FHIT: variants seen among roughly 807,000 people sequenced by gnomAD.
FHIT encodes bis(5'-adenosyl)-triphosphatase.
Under a neutral mutation model 17.9 loss-of-function variants are expected in FHIT, and 19 were observed. That is an observed-to-expected ratio of 1.06 (90% CI 0.74 to 1.56). FHIT has a LOEUF of 1.56. Among genes scored for constraint, FHIT ranks in the 40% most tolerant of loss-of-function variants. FHIT has a pLI of 0.00. For missense variants in FHIT, 248 were observed against 189.2 expected, an observed-to-expected ratio of 1.31 and a Z score of -1.82; for synonymous variants, 81 against 69.7, an observed-to-expected ratio of 1.16 and a Z score of -0.81.
chr3:59,995,271 T>C (rs1423356090), intron 7 of FHIT, among the ~76,000 whole-genome samples: 2 of 152,202 alleles, frequency 1.3e-5, no homozygotes, highest in Non-Finnish European at 2.9e-5. Flanking sequence ...TCTAACTCTA[T>C]CTCCAACTTA....
intron 4 of FHIT, among the ~76,000 whole-genome samples, chr3:60,635,806 A>C (rs2039569279): frequency 6.6e-6 from 1 of 152,174 alleles, no homozygotes; most frequent in Admixed American, 6.6e-5. Flanking sequence ...CAGGGTTGGC[A>C]AACTTTTCCC....
rs574004374 is a variant in FHIT, at chr3:60,032,940, T to C, written c.104-18788A>G. ...AACTTACTTTACACCAAACACAAGA[T>C]AGAGAAACAAGTTAAGTAACACTAA... On this transcript the variant is annotated intron_variant, in intron 5 of 9. Coordinates refer to ENST00000492590, the MANE Select transcript of FHIT (RefSeq NM_002012.4). Among the ~76,000 whole-genome samples the C allele has an allele frequency of 1.6e-4, 25 of 151,756 alleles. 1 individual carries two copies. The South Asian group carries it at 4.8e-3, about 29-fold the overall frequency.
At chr3:60,091,312 A>C (rs1222797398) in intron 5 of FHIT, among the ~76,000 whole-genome samples, 1 of 152,220 alleles carries the variant, frequency 6.6e-6, no homozygotes, top group Non-Finnish European at 1.5e-5. Flanking sequence ...ATTTATAAAG[A>C]GGAAGGGTCT....
intron 5 of FHIT, among the ~76,000 whole-genome samples, chr3:60,272,451 G>A (rs1433032442): frequency 6.6e-6 from 1 of 152,152 alleles, no homozygotes; most frequent in African/African-American, 2.4e-5. Context: ...AAGTCAGTGT[G>A]TGTCTGGGGC....
At chr3:59,911,372 C>A (rs1229265456) in intron 8 of FHIT, among the ~76,000 whole-genome samples, 1 of 152,260 alleles carries the variant, frequency 6.6e-6, no homozygotes, top group South Asian at 2.1e-4. Context: ...GCCTGGTATT[C>A]TCTGGGTTGG....
chr3:60,791,647 A>C (rs530763668), intron 4 of FHIT, among the ~76,000 whole-genome samples: 1 of 152,208 alleles, frequency 6.6e-6, no homozygotes, highest in Non-Finnish European at 1.5e-5. Flanking sequence ...AACAAAATGC[A>C]GAAACAATAT....
intron 8 of FHIT, among the ~76,000 whole-genome samples, chr3:59,772,569 T>C (rs1340620981): frequency 6.6e-6 from 1 of 152,202 alleles, no homozygotes; most frequent in Non-Finnish European, 1.5e-5. Context: ...GGCACAGGGC[T>C]GGGATGCAAA....
At chr3:60,549,412 C>G (rs542879750) in intron 4 of FHIT, among the ~76,000 whole-genome samples, 3 of 152,118 alleles carry the variant, frequency 2.0e-5, no homozygotes, top group African/African-American at 7.2e-5. Context: ...GAGGAAGGTC[C>G]TTCATACACC....
intron 5 of FHIT, among the ~76,000 whole-genome samples, chr3:60,491,342 T>C (rs1190278257): frequency 1.3e-5 from 2 of 151,590 alleles, no homozygotes; most frequent in African/African-American, 4.9e-5. Flanking sequence ...AGGGTTATAA[T>C]AGAAATGCTG....
intron 5 of FHIT, among the ~76,000 whole-genome samples, chr3:60,221,771 C>A (rs213410): frequency 0.31 from 47,240 of 151,970 alleles, 9,027 homozygotes; most frequent in East Asian, 0.69. Flanking sequence ...GGCTCCTTCT[C>A]CTTCTTCAGA....
intron 4 of FHIT, among the ~76,000 whole-genome samples, chr3:60,589,890 T>A (rs2038027943): frequency 1.3e-5 from 2 of 152,068 alleles, no homozygotes; most frequent in Admixed American, 6.6e-5. Context: ...ATTGGCATTC[T>A]AATTTATCAT....
chr3:61,065,171 A>G lies in FHIT; in HGVS notation c.-163-23072T>C, dbSNP rs531798115. Reference sequence around the variant, plus strand: ...GTCAGGTAAACAGAGTTTTGTAAACAGCTTCCAATATTCAAGGAAAGTTTG... The same window carrying G: ...GTCAGGTAAACAGAGTTTTGTAAACGGCTTCCAATATTCAAGGAAAGTTTG... On this transcript the variant is annotated intron_variant, in intron 2 of 9. Coordinates refer to ENST00000492590, the MANE Select transcript of FHIT (RefSeq NM_002012.4). 1.3e-4 allele frequency among the ~76,000 whole-genome samples: 20 copies of G among 152,252 alleles called. No individual in the cohort carries two copies. In the East Asian group the frequency reaches 1.4e-3, roughly 10 times the overall value.
intron 2 of FHIT, among the ~76,000 whole-genome samples, chr3:61,154,869 C>T (rs1259770472): frequency 6.6e-6 from 1 of 152,192 alleles, no homozygotes; most frequent in Non-Finnish European, 1.5e-5. Flanking sequence ...CAAATAAAGC[C>T]CTCAGATGCG....
chr3:61,037,963 TC>T (rs541992742), intron 3 of FHIT, among the ~76,000 whole-genome samples: 250 of 152,342 alleles, frequency 1.6e-3, no homozygotes, highest in African/African-American at 5.7e-3. Flanking sequence ...AGAAGTGCGC[TC>T]CAAACAGTCC....
chr3:60,674,693 C>G (rs1461246015), intron 4 of FHIT, among the ~76,000 whole-genome samples: 1 of 152,110 alleles, frequency 6.6e-6, no homozygotes, highest in East Asian at 1.9e-4. Flanking sequence ...CAACTGAATG[C>G]CCAGGTTCTC....
chr3:60,357,693 GGCA>G (rs1699732768), intron 5 of FHIT, among the ~76,000 whole-genome samples: 1 of 152,070 alleles, frequency 6.6e-6, no homozygotes, highest in East Asian at 1.9e-4. Context: ...GTTGTACTTA[GGCA>G]TATTATTCTC....
chr3:61,211,510 A>C (rs944296760), intron 1 of FHIT, among the ~76,000 whole-genome samples: 6 of 152,172 alleles, frequency 3.9e-5, no homozygotes, highest in African/African-American at 1.4e-4. Context: ...GGAAGCATGA[A>C]CTGGGTAGAG....
At chr3:59,956,485 T>C (rs923703362) in intron 7 of FHIT, among the ~76,000 whole-genome samples, 28 of 152,292 alleles carry the variant, frequency 1.8e-4, no homozygotes, top group Non-Finnish European at 4.0e-4. Flanking sequence ...CTGGCCAACA[T>C]GGTGAAACCT....
intron 2 of FHIT, among the ~76,000 whole-genome samples, chr3:61,130,847 G>C (rs1476612715): frequency 6.6e-6 from 1 of 152,192 alleles, no homozygotes; most frequent in East Asian, 1.9e-4. Context: ...TTCTGTCTTT[G>C]AGAAGCTGGG....
Sources: gnomAD v4.1 joint callset for allele counts (sites outside exome capture counted in the v4.1 genomes callset) on GRCh38, gnomAD v4.1.1 for gene constraint, MANE v1.5 for transcripts, NCBI Gene and HGNC (gene_info 2026-07-23, HGNC 2026-07-21) for gene names.